DEAF1: variants seen among roughly 807,000 people sequenced by gnomAD.
DEAF1 encodes the protein DEAF1 transcription factor, also known as deformed epidermal autoregulatory factor 1 homolog.
DEAF1 carries 53 observed loss-of-function variants against 58.9 expected under a neutral mutation model. The ratio of observed to expected loss-of-function variants is 0.90; its 90% CI spans 0.72 to 1.13. The LOEUF (loss-of-function observed/expected upper bound fraction) is 1.13. Ranked by LOEUF, DEAF1 falls within the 50% of genes most tolerant of loss-of-function variation. DEAF1 has a pLI of 0.00. For missense variants in DEAF1, 685 were observed against 791.4 expected, an observed-to-expected ratio of 0.87 and a Z score of 1.61; for synonymous variants, 385 against 340.4, an observed-to-expected ratio of 1.13 and a Z score of -1.44.
chr11:661,190 A>C (rs1168998689), intron 10 of DEAF1, among the ~76,000 whole-genome samples: 1 of 152,220 alleles, frequency 6.6e-6, no homozygotes, highest in East Asian at 1.9e-4. Flanking sequence ...CAGCATGGCC[A>C]ACAACAAGCC....
chr11:676,210 TC>T (rs1860065915), intron 9 of DEAF1, among the ~76,000 whole-genome samples: 1 of 10,384 alleles, frequency 9.6e-5, no homozygotes, highest in Non-Finnish European at 1.7e-4. Context: ...CAGCCTGACA[TC>T]CCCCAGCACC....
rs554164645 is a variant in DEAF1 at position 654,153 on chromosome 11, C to A, written c.1504-102G>T. 9.2e-6 allele frequency: 7 copies of A among 762,500 alleles called. No individual in the cohort carries two copies. The Admixed American group carries it at 1.8e-4, about 20-fold the overall frequency. The allele number at this position is 762,500 out of a possible 1,614,324, so 47.2% of individuals were successfully genotyped here. A position where few individuals can be genotyped will look rare whatever the true frequency, so the allele number is the denominator to read the frequency against. ...GCAGGCAGGAGGCCCCAAGTTCCCC[C>A]CATTGGACCCCCTTTTTTTTTTTTT... On this transcript the variant is annotated intron_variant, in intron 10 of 11. Coordinates refer to ENST00000382409, the MANE Select transcript of DEAF1 (RefSeq NM_021008.4).
At chr11:699,863 A>G, upstream of DEAF1, 1 of 405,264 alleles carries the variant, frequency 2.5e-6, no homozygotes, top group Non-Finnish European at 4.4e-6. Context: ...TCCCCTGACC[A>G]GTCCTGTCCA....
chr11:703,412 G>A (rs1399428264), intron 1 of DEAF1: 24 of 1,330,456 alleles, frequency 1.8e-5, no homozygotes, highest in Middle Eastern at 2.7e-4. Flanking sequence ...TCCCAGGAGC[G>A]CACACTCAGC....
intron 6 of DEAF1, among the ~76,000 whole-genome samples, chr11:681,911 G>C (rs1453729778): frequency 8.5e-5 from 13 of 152,136 alleles, no homozygotes; most frequent in Non-Finnish European, 1.5e-5. Context: ...CTTTCTTCCT[G>C]TGTATGGTCC....
chr11:678,837 A>C lies in DEAF1; in HGVS notation c.1127-15T>G. The C allele has an allele frequency of 6.2e-7, 1 of 1,613,232 alleles. No homozygotes were observed. Among genetic ancestry groups the C allele is most frequent in the Non-Finnish European group, 8.5e-7 (1 of 1,179,356 alleles). On this transcript the variant is annotated splice_polypyrimidine_tract_variant and intron_variant, in intron 8 of 11. Coordinates refer to ENST00000382409, the MANE Select transcript of DEAF1 (RefSeq NM_021008.4). ...GGCCTCTTGGACTGTTGGGGAGAAA[A>C]AGGACAGGGAGGCTCGGGATGGTTG...
chr11:678,526 T>C (rs1195826476), intron 9 of DEAF1, 168 bp downstream of exon 9: 15 of 1,017,400 alleles, frequency 1.5e-5, no homozygotes, highest in Admixed American at 3.6e-5. Context: ...CAGTAAAACT[T>C]TATTTACAAA....
At chr11:667,584 C>A (rs988676462) in intron 10 of DEAF1, among the ~76,000 whole-genome samples, 1 of 147,804 alleles carries the variant, frequency 6.8e-6, no homozygotes, top group Non-Finnish European at 1.5e-5. Flanking sequence ...GGTGAATCAC[C>A]TGAGGTCGGT....
upstream of DEAF1, chr11:695,865 G>A: frequency 8.1e-7 from 1 of 1,227,068 alleles, no homozygotes; most frequent in Non-Finnish European, 1.0e-6. Flanking sequence ...GGGCGGGGTG[G>A]GGGCTTCCGG....
intron 7 of DEAF1, 47 bp from the exon 8 acceptor site, chr11:679,863 C>A (rs751870818): frequency 1.2e-6 from 2 of 1,608,104 alleles, no homozygotes; most frequent in African/African-American, 2.7e-5. Flanking sequence ...GTGGCGCCCA[C>A]GGCACACAGG....
chr11:679,675 T>C lies in DEAF1; in HGVS notation c.1126+13A>G, dbSNP rs1396126742. 5 of 1,610,548 alleles carry C rather than the reference T, an allele frequency of 3.1e-6. No individual in the cohort carries two copies. Among genetic ancestry groups the C allele is most frequent in the Non-Finnish European group, 3.4e-6 (4 of 1,180,028 alleles). On this transcript the variant is annotated intron_variant, in intron 8 of 11. Transcript: ENST00000382409. ...TGCTGAGGACGCGTCAGGCAGGCAC[T>C]GGAGCAGCTCACCTGTGGCCCCTGC...
At position 694,777 on chromosome 11, in the gene DEAF1, C is replaced by A; in HGVS notation, c.271G>T (p.Ala91Ser). The A allele has an allele frequency of 7.5e-7, 1 of 1,328,888 alleles. No individual in the cohort carries two copies. 82.3% of individuals were successfully genotyped at this position (1,328,888 alleles called of 1,614,324 possible). Reference sequence around the variant, plus strand: ...CACTTGCCTGCGAAGGCTGCGGCAGCGGCGGCCTCGTCGGGGCCGGGCAGG... The same window carrying A: ...CACTTGCCTGCGAAGGCTGCGGCAGAGGCGGCCTCGTCGGGGCCGGGCAGG... ...EALPGPDEAA[A>S]AAAFAEVTTV... Residue 91 changes from alanine (A) to serine (S), a missense_variant, in exon 1 of 12, where the codon GCT (alanine) becomes TCT (serine). Physicochemically the swap from Ala to Ser is moderately conservative, Grantham distance 99 (BLOSUM62 1). This residue lies in a region of DEAF1 where 210 missense variants were observed against 177.3 expected (regional missense o/e 1.18). Transcript: ENST00000382409.
chr11:649,934 G>A (rs1275657527), intron 11 of DEAF1, among the ~76,000 whole-genome samples: 1 of 152,020 alleles, frequency 6.6e-6, no homozygotes, highest in African/African-American at 2.4e-5. Context: ...GCTGAGGAAG[G>A]GAAATCACTT....
chr11:685,493 G>C (rs961702318), intron 5 of DEAF1, among the ~76,000 whole-genome samples: 5 of 151,790 alleles, frequency 3.3e-5, no homozygotes, highest in African/African-American at 1.2e-4. Flanking sequence ...TCAGGAGCTG[G>C]AGACCAGCCT....
At chr11:679,937 C>T in intron 7 of DEAF1, 121 bp from the exon 8 acceptor site, 6 of 1,357,242 alleles carry the variant, frequency 4.4e-6, no homozygotes, top group Non-Finnish European at 6.1e-6. Context: ...GCAGTGGTAA[C>T]TGTACCCTCC....
chr11:659,155 G>A (rs1398488463), intron 10 of DEAF1, among the ~76,000 whole-genome samples: 1 of 151,748 alleles, frequency 6.6e-6, no homozygotes, highest in Non-Finnish European at 1.5e-5. Context: ...ACTTTGGGAG[G>A]CCGAGGCGGG....
chr11:663,919 C>T (rs903682332), intron 10 of DEAF1, among the ~76,000 whole-genome samples: 2 of 152,102 alleles, frequency 1.3e-5, no homozygotes, highest in African/African-American at 4.8e-5. Flanking sequence ...CTCAAGAAAA[C>T]GGACAAAATA....
intron 11 of DEAF1, 145 bp downstream of exon 11, chr11:653,817 G>C: frequency 1.3e-6 from 1 of 755,018 alleles, no homozygotes; most frequent in Non-Finnish European, 2.4e-6. Flanking sequence ...CACGGAGCCA[G>C]GCAGGAGCCC....
intron 10 of DEAF1, among the ~76,000 whole-genome samples, chr11:662,438 C>T (rs1859358924): frequency 6.6e-6 from 1 of 152,222 alleles, no homozygotes; most frequent in Admixed American, 6.5e-5. Context: ...TCATTTTCAT[C>T]CTACTGTTGT....
Sources: allele counts gnomAD v4.1 joint callset (sites outside exome capture counted in the v4.1 genomes callset), GRCh38; gene constraint gnomAD v4.1.1; regional missense constraint gnomAD v4.1.1; transcripts MANE v1.5; gene names NCBI Gene and HGNC (gene_info 2026-07-23, HGNC 2026-07-21).